Variants in AKAP11 observed in about 807,000 individuals in gnomAD.
The protein encoded by AKAP11 is A-kinase anchor protein 11.
AKAP11 carries 36 observed loss-of-function variants against 146.1 expected under a neutral mutation model. The observed-to-expected ratio is 0.25, with a 90% CI of 0.19 to 0.33. AKAP11 has a LOEUF of 0.33. Ranked by LOEUF, AKAP11 falls within the 10% of genes least tolerant of loss-of-function variation. The probability of loss-of-function intolerance (pLI) is 1.00; values close to 1 mark genes in which losing one functional copy is unlikely to be tolerated. For synonymous variants in AKAP11, 780 were observed against 786.5 expected (o/e 0.99, Z 0.14); for missense variants, 2,201 against 2,197.0 (o/e 1.00, Z -0.04).
intron 1 of AKAP11, among the ~76,000 whole-genome samples, chr13:42,272,965 C>G (rs1312322838): frequency 6.6e-6 from 1 of 152,176 alleles, no homozygotes; most frequent in Admixed American, 6.5e-5. Flanking sequence ...CCCCATATTA[C>G]CAGCTTTCAT....
chr13:42,274,639 C>T (rs957310777), intron 1 of AKAP11, among the ~76,000 whole-genome samples: 1 of 150,380 alleles, frequency 6.6e-6, no homozygotes, highest in African/African-American at 2.4e-5. Context: ...GAGCCGAGAT[C>T]GTGCCACTGC....
chr13:42,295,106 C>A (rs1035433122), intron 4 of AKAP11, among the ~76,000 whole-genome samples: 1 of 151,880 alleles, frequency 6.6e-6, no homozygotes, highest in African/African-American at 2.4e-5. Flanking sequence ...AGGAGTCTAC[C>A]CAGGGGGAAG....
At chr13:42,312,858 G>A (rs1472427785) in intron 9 of AKAP11, among the ~76,000 whole-genome samples, 189 bp from the exon 10 acceptor site, 1 of 152,160 alleles carries the variant, frequency 6.6e-6, no homozygotes, top group Non-Finnish European at 1.5e-5. Flanking sequence ...AAAAACTCCC[G>A]AATCTCTGAA....
At chr13:42,305,594 A>T (rs1960212463) in intron 8 of AKAP11, among the ~76,000 whole-genome samples, 1 of 152,196 alleles carries the variant, frequency 6.6e-6, no homozygotes, top group Non-Finnish European at 1.5e-5. Context: ...AAATTTCAGT[A>T]TTTATAAATA....
In AKAP11 at chr13:42,286,386, C is replaced by T. The variant is rs1439787005; in HGVS notation, c.38C>T (p.Ala13Val). 11 of 1,599,634 alleles carry T rather than the reference C, an allele frequency of 6.9e-6. No homozygotes were observed. Among genetic ancestry groups the T allele is most frequent in the Non-Finnish European group, 9.4e-6 (11 of 1,174,250 alleles). The change falls in exon 3 of 13, where the codon GCA becomes GTA. Residue 13 changes from alanine to valine, a missense_variant. Physicochemically the swap from Ala to Val is moderately conservative, Grantham distance 64. This residue lies in a region of AKAP11 where 331 missense variants were observed against 347.4 expected (regional missense o/e 0.95). Transcript: ENST00000025301. ...AGAAACAATCACATGAAGACTAAAG[C>T]ATCTGTCAGAAAAGTAAGTTCACTC... ...TFRNNHMKTK[A>V]SVRKSFSEDV...
intron 3 of AKAP11, among the ~76,000 whole-genome samples, chr13:42,288,761 C>T (rs1198873272): frequency 6.6e-6 from 1 of 152,072 alleles, no homozygotes; most frequent in Non-Finnish European, 1.5e-5. Context: ...CTTGAATAGG[C>T]CAGGCTAGTT....
intron 1 of AKAP11, among the ~76,000 whole-genome samples, chr13:42,279,292 C>G (rs1358419893): frequency 6.8e-6 from 1 of 146,504 alleles, no homozygotes; most frequent in Non-Finnish European, 1.5e-5. Flanking sequence ...CTCTCTCTCT[C>G]TCACTCACTC....
At position 42,302,018 on chromosome 13, in the gene AKAP11, T is replaced by G; in HGVS notation, c.3272T>G (p.Val1091Gly). The G allele has an allele frequency of 6.2e-7, 1 of 1,614,114 alleles. No homozygotes were observed. The highest frequency in any genetic ancestry group is 1.3e-5 in the African/African-American group (1 of 75,044). The change falls in exon 8 of 13, where the codon GTC (valine) becomes GGC (glycine). Residue 1091 changes from valine to glycine, a missense_variant. By Grantham distance (109) the Val-to-Gly change is moderately radical (BLOSUM62 -3). Transcript: ENST00000025301. ...DGLHVEDKQKVRDRNVIPDTP... is the reference protein window; with the variant it reads ...DGLHVEDKQKGRDRNVIPDTP... ...TTGCATGTGGAAGATAAACAGAAAG[T>G]CAGAGACAGAAATGTAATACCTGAT...
intron 8 of AKAP11, among the ~76,000 whole-genome samples, chr13:42,304,996 C>T (rs1027714501): frequency 3.3e-5 from 5 of 152,092 alleles, no homozygotes; most frequent in Non-Finnish European, 7.4e-5. Flanking sequence ...GGTGATCTGC[C>T]CACCTCAGCT....
chr13:42,301,185 T>C lies in AKAP11; in HGVS notation c.2439T>C (p.Asn813=), dbSNP rs371230875. ...AHLSSDDSNS[N]GDSAQVHIAT... ...TGTCATCTGATGATAGTAATTCAAA[T>C]GGTGATTCTGCCCAAGTGCATATTG... The change falls in exon 8 of 13, where the codon AAT becomes AAC. Residue 813 remains asparagine, a synonymous_variant. Transcript: ENST00000025301. The C allele has an allele frequency of 1.1e-5, 17 of 1,614,094 alleles. No homozygotes were observed. The highest frequency in any genetic ancestry group is 1.4e-5 in the Non-Finnish European group (16 of 1,179,970).
rs370136582 is a variant in AKAP11, at chr13:42,275,454, G to A, written c.-100+3226G>A. Among the ~76,000 whole-genome samples the A allele has an allele frequency of 1.2e-4, 19 of 152,344 alleles. No individual in the cohort carries two copies. In the East Asian group the frequency reaches 3.3e-3, roughly 26 times the overall value. On this transcript the variant is annotated intron_variant, in intron 1 of 12. Transcript: ENST00000025301. ...GATAGGAATGGGAAAAATGGATGAG[G>A]AAGAGACTTAGATTTGTCTCACAGT...
At chr13:42,282,260 CTTTTTTTT>C (rs768248255) in intron 1 of AKAP11, among the ~76,000 whole-genome samples, 1 of 112,374 alleles carries the variant, frequency 8.9e-6, no homozygotes, top group Non-Finnish European at 1.8e-5. Flanking sequence ...CTAGGCCAGT[CTTTTTTTT>C]TTTTTTTTTT....
intron 1 of AKAP11, among the ~76,000 whole-genome samples, chr13:42,285,543 T>C (rs529798332): frequency 6.4e-4 from 97 of 152,396 alleles, no homozygotes; most frequent in African/African-American, 2.3e-3. Flanking sequence ...ATCCATAGCA[T>C]CTAGCACAAG....
intron 11 of AKAP11, 40 bp downstream of exon 11, chr13:42,313,980 G>T (rs200671260): frequency 2.5e-6 from 4 of 1,603,960 alleles, no homozygotes; most frequent in Admixed American, 1.7e-5. Context: ...CATGTGTTTT[G>T]TATAAGGTTT....
chr13:42,302,072 C>T lies in AKAP11; in HGVS notation c.3326C>T (p.Ser1109Phe), dbSNP rs756267061. ...DTPPSTPLVP[S>F]RASSEWDIKK... ...CCTCCATCAACTCCTCTAGTACCATCCCGGGCTAGTTCTGAATGGGATATC... is the reference window on the plus strand; with the variant it reads ...CCTCCATCAACTCCTCTAGTACCATTCCGGGCTAGTTCTGAATGGGATATC... Residue 1109 changes from serine (S) to phenylalanine (F), a missense_variant, in exon 8 of 13, where the codon TCC becomes TTC. Ser to Phe is a radical substitution (Grantham distance 155, BLOSUM62 -2). This residue lies in a region of AKAP11 where 1,867 missense variants were observed against 1,833.5 expected (regional missense o/e 1.02). Transcript: ENST00000025301. The T allele has an allele frequency of 1.8e-5, 29 of 1,614,030 alleles. No homozygotes were observed. Among genetic ancestry groups the T allele is most frequent in the Non-Finnish European group, 2.5e-5 (29 of 1,180,028 alleles).
intron 11 of AKAP11, among the ~76,000 whole-genome samples, chr13:42,314,271 C>A (rs955529021): frequency 1.3e-5 from 2 of 151,800 alleles, no homozygotes; most frequent in Non-Finnish European, 2.9e-5. Context: ...ATGGTGAAAC[C>A]CCATCTCTAC....
chr13:42,277,673 A>G (rs1267097677), intron 1 of AKAP11, among the ~76,000 whole-genome samples: 2 of 152,350 alleles, frequency 1.3e-5, no homozygotes, highest in African/African-American at 2.4e-5. Context: ...TTTTGCCACC[A>G]AATGCCTGTC....
In AKAP11 at chr13:42,313,277, C is replaced by A. The variant is rs77476784; in HGVS notation, c.5357+147C>A. The A allele has an allele frequency of 1.8e-3, 1,121 of 620,726 alleles. 10 individuals are homozygous for A. The African/African-American group carries it at 0.018, about 10-fold the overall frequency. The allele number at this position is 620,726 out of a possible 1,614,324, so 38.5% of individuals were successfully genotyped here. ...TTGACATGATTCTGCTTGATGAATT[C>A]ACATCTAATGAAAAACTTCAACTGT... On this transcript the variant is annotated intron_variant, in intron 10 of 12. Transcript: ENST00000025301.
Position 42,319,754 on chromosome 13 carries a change from C to G in AKAP11, c.*526C>G, listed in dbSNP as rs1190990031. ...AGTTTCATTTTCATATTTCATAGAT[C>G]AGCTATTGGTAGCTTTTTGATTTCC... On this transcript the variant is annotated 3_prime_UTR_variant, in exon 13 of 13. Coordinates refer to ENST00000025301, the MANE Select transcript of AKAP11 (RefSeq NM_016248.4). The G allele has an allele frequency of 1.3e-5, 2 of 152,290 alleles. No homozygotes were observed. Among genetic ancestry groups the G allele is most frequent in the African/African-American group, 4.8e-5 (2 of 41,388 alleles). The allele number at this position is 152,290 out of a possible 1,614,324, so 9.4% of individuals were successfully genotyped here.
Sources: allele counts gnomAD v4.1 joint callset (sites outside exome capture counted in the v4.1 genomes callset), GRCh38; gene constraint gnomAD v4.1.1; regional missense constraint gnomAD v4.1.1; transcripts MANE v1.5; gene names NCBI Gene and HGNC (gene_info 2026-07-23, HGNC 2026-07-21).